MED13L: variants seen among roughly 807,000 people sequenced by gnomAD.
The protein encoded by MED13L is mediator complex subunit 13L, also known as mediator of RNA polymerase II transcription subunit 13-like.
A neutral mutation model predicts 220.9 loss-of-function variants in MED13L; 7 were observed. The observed-to-expected ratio is 0.03, with a 90% CI of 0.02 to 0.06. The LOEUF (loss-of-function observed/expected upper bound fraction) is 0.06, where lower values mean the gene tolerates loss of function less well. MED13L is among the 10% of genes least tolerant of loss of function. The pLI, the probability that MED13L is intolerant of heterozygous loss-of-function variation, is 1.00. For synonymous variants in MED13L, 1,011 were observed against 1,015.2 expected, an observed-to-expected ratio of 1.00 and a Z score of 0.08; for missense variants, 1,965 against 2,760.5, an observed-to-expected ratio of 0.71 and a Z score of 6.46.
chr12:116,158,098 C>T (rs1314203187), intron 2 of MED13L, among the ~76,000 whole-genome samples: 1 of 151,250 alleles, frequency 6.6e-6, no homozygotes, highest in Admixed American at 6.6e-5. Context: ...CTGCAAGGAT[C>T]CAGAACCCAA....
intron 4 of MED13L, among the ~76,000 whole-genome samples, chr12:116,071,701 A>G (rs373248032): frequency 1.3e-5 from 2 of 152,250 alleles, no homozygotes. Flanking sequence ...AGCATTACTT[A>G]AGAGGAATTT....
intron 2 of MED13L, among the ~76,000 whole-genome samples, chr12:116,231,238 G>T (rs1010650084): frequency 6.6e-6 from 1 of 152,104 alleles, no homozygotes. Context: ...AAAAGGAAAG[G>T]ATATCTTTAC....
At chr12:116,232,889 T>A (rs1869705103) in intron 2 of MED13L, among the ~76,000 whole-genome samples, 4 of 151,928 alleles carry the variant, frequency 2.6e-5, no homozygotes, top group Admixed American at 2.6e-4. Context: ...GAGTTTGAGA[T>A]CAACCTGGCC....
chr12:116,015,264 T>A lies in MED13L; in HGVS notation c.1020A>T (p.Gly340=). Residue 340 remains glycine, a synonymous_variant, in exon 8 of 31, where the codon GGA becomes GGT. Transcript: ENST00000281928. Reference sequence around the variant, plus strand: ...GGTGACTGGCAGCACTCTGCATACCTCCACTCTCACCTGAAAAAAAAGGCA... The same window carrying A: ...GGTGACTGGCAGCACTCTGCATACCACCACTCTCACCTGAAAAAAAAGGCA... ...SPEQAILGES[G]GMQSAASHLV... The A allele has an allele frequency of 6.2e-7, 1 of 1,613,750 alleles. No individual in the cohort carries two copies. The highest frequency in any genetic ancestry group is 1.1e-5 in the South Asian group (1 of 91,082).
chr12:115,982,043 C>A, intron 22 of MED13L: 1 of 244,994 alleles, frequency 4.1e-6, no homozygotes, highest in Non-Finnish European at 8.0e-6. Flanking sequence ...GTTATCAGAC[C>A]TCATGTGATG....
chr12:116,226,921 A>G (rs2138416417), intron 2 of MED13L, among the ~76,000 whole-genome samples: 1 of 151,132 alleles, frequency 6.6e-6, no homozygotes, highest in East Asian at 1.9e-4. Context: ...GTTTTTTAAG[A>G]GGAAAAAAAT....
intron 2 of MED13L, among the ~76,000 whole-genome samples, chr12:116,165,362 ACT>A (rs1879181557): frequency 7.1e-6 from 1 of 139,988 alleles, no homozygotes; most frequent in Non-Finnish European, 1.5e-5. Flanking sequence ...ACGGAGTCTC[ACT>A]CTGTCACCCA....
rs774559384 is a variant in MED13L, at chr12:115,972,135, T to C, written c.5833A>G (p.Ile1945Val). ...ATGGCAACCAGGCAGGCACTAAGGA[T>C]AGAAGGAGAGTCTGCGGCAGAGATT... is the stretch of plus-strand genomic sequence containing the variant. The part of the protein sequence containing the change: ...CGISAADSPS[I>V]LSACLVAMEP... Residue 1945 changes from isoleucine to valine, a missense_variant, in exon 26 of 31, where the codon ATC (isoleucine) becomes GTC (valine). By Grantham distance (29) the Ile-to-Val change is conservative. This residue lies in a region of MED13L where 23 missense variants were observed against 20.4 expected (regional missense o/e 1.12). Coordinates refer to ENST00000281928, the MANE Select transcript of MED13L (RefSeq NM_015335.5). The C allele has an allele frequency of 6.2e-7, 1 of 1,614,010 alleles. No individual in the cohort carries two copies. The highest frequency in any genetic ancestry group is 1.7e-5 in the Admixed American group (1 of 60,012).
chr12:115,983,605 C>G, intron 20 of MED13L, 65 bp from the exon 21 acceptor site: 1 of 1,537,288 alleles, frequency 6.5e-7, no homozygotes, highest in Non-Finnish European at 9.0e-7. Context: ...GAACCAGAAT[C>G]TAGAATGGTC....
intron 4 of MED13L, among the ~76,000 whole-genome samples, chr12:116,075,695 C>T (rs1870727034): frequency 1.3e-5 from 2 of 152,164 alleles, no homozygotes; most frequent in Non-Finnish European, 1.5e-5. Context: ...ACATCTAGAC[C>T]TGCAAGCTCC....
intron 1 of MED13L, among the ~76,000 whole-genome samples, chr12:116,272,536 A>G (rs1190849766): frequency 6.6e-6 from 1 of 151,806 alleles, no homozygotes; most frequent in Non-Finnish European, 1.5e-5. Context: ...TGGGTGACAC[A>G]GTGGGACTCT....
At chr12:116,110,382 T>G (rs963011289) in intron 3 of MED13L, 1 of 150,366 alleles carries the variant, frequency 6.7e-6, no homozygotes, top group African/African-American at 2.4e-5. Context: ...AATAAATAAA[T>G]AAATAAGGAA....
intron 2 of MED13L, among the ~76,000 whole-genome samples, chr12:116,190,606 A>G (rs1881208604): frequency 6.6e-6 from 1 of 152,192 alleles, no homozygotes; most frequent in Non-Finnish European, 1.5e-5. Context: ...ACAATCTCAT[A>G]CTTTTTGTTA....
intron 4 of MED13L, among the ~76,000 whole-genome samples, chr12:116,061,861 A>T (rs891301822): frequency 6.6e-6 from 1 of 151,884 alleles, no homozygotes; most frequent in Non-Finnish European, 1.5e-5. Context: ...ACAAAAAATT[A>T]GCCAGGCATG....
At chr12:116,149,244 C>T (rs551039614) in intron 2 of MED13L, among the ~76,000 whole-genome samples, 1 of 152,216 alleles carries the variant, frequency 6.6e-6, no homozygotes, top group African/African-American at 2.4e-5. Context: ...TATTCTAGAA[C>T]TTCTCATATT....
At chr12:116,119,278 A>G (rs1874794551) in intron 2 of MED13L, among the ~76,000 whole-genome samples, 1 of 152,302 alleles carries the variant, frequency 6.6e-6, no homozygotes, top group Non-Finnish European at 1.5e-5. Flanking sequence ...ACAAAAAGAA[A>G]GCCGATGGAG....
At chr12:116,096,358 A>AAAAAAAAAAAAAAAAAAAAAAAAAAT (rs1872640932) in intron 4 of MED13L, among the ~76,000 whole-genome samples, 1 of 100,848 alleles carries the variant, frequency 9.9e-6, no homozygotes, top group African/African-American at 4.3e-5. Context: ...CAGCCTCAAA[A>AAAAAAAAAAAAAAAAAAAAAAAAAAT]AAAAAAAAAA....
At chr12:115,966,458 G>C (rs966690207) in intron 28 of MED13L, among the ~76,000 whole-genome samples, 4 of 152,212 alleles carry the variant, frequency 2.6e-5, no homozygotes, top group Non-Finnish European at 5.9e-5. Flanking sequence ...CCTCAGTCAA[G>C]TAAGTACAGA....
chr12:116,149,826 C>T (rs886221266), intron 2 of MED13L, among the ~76,000 whole-genome samples: 1 of 151,982 alleles, frequency 6.6e-6, no homozygotes. Context: ...TTCATATGCC[C>T]CTATAGTGCC....
Sources: allele counts gnomAD v4.1 joint callset (sites outside exome capture counted in the v4.1 genomes callset), GRCh38; gene constraint gnomAD v4.1.1; regional missense constraint gnomAD v4.1.1; transcripts MANE v1.5; gene names NCBI Gene and HGNC (gene_info 2026-07-23, HGNC 2026-07-21).